SPATA6L: variants seen among roughly 807,000 people sequenced by gnomAD.
SPATA6L encodes spermatogenesis associated 6-like protein.
Under a neutral mutation model 49.2 loss-of-function variants are expected in SPATA6L, and 68 were observed. That is an observed-to-expected ratio of 1.38 (90% CI 1.14 to 1.69). The LOEUF is 1.69. Among genes scored for constraint, SPATA6L ranks in the 40% most tolerant of loss-of-function variants. The probability of loss-of-function intolerance (pLI) is 0.00; values close to 1 mark genes in which losing one functional copy is unlikely to be tolerated. For synonymous variants in SPATA6L, 198 were observed against 165.7 expected (o/e 1.19, Z -1.50); for missense variants, 668 against 464.3 (o/e 1.44, Z -4.03).
chr9:4,594,358 C>T (rs771295298), downstream of SPATA6L, among the ~76,000 whole-genome samples: 5 of 152,102 alleles, frequency 3.3e-5, no homozygotes, highest in East Asian at 5.8e-4. Context: ...TACAGGCGCC[C>T]GCCAGCATGC....
intron 4 of SPATA6L, among the ~76,000 whole-genome samples, chr9:4,629,865 C>G (rs2130507868): frequency 6.8e-6 from 1 of 147,566 alleles, no homozygotes; most frequent in East Asian, 2.0e-4. Context: ...TCCTGTTTTA[C>G]AGATGATAAA....
intron 3 of SPATA6L, among the ~76,000 whole-genome samples, chr9:4,652,189 G>T (rs577634938): frequency 6.6e-6 from 1 of 152,182 alleles, no homozygotes; most frequent in Non-Finnish European, 1.5e-5. Context: ...CGGAGGCCAA[G>T]GCAGGAGGAT....
chr9:4,619,403 C>A (rs558141415), intron 7 of SPATA6L, among the ~76,000 whole-genome samples: 1 of 152,188 alleles, frequency 6.6e-6, no homozygotes, highest in African/African-American at 2.4e-5. Context: ...GGTGACCCAC[C>A]CGCCTCAGCC....
intron 3 of SPATA6L, 21 bp downstream of exon 3, chr9:4,656,020 T>C (rs1587488585): frequency 6.2e-7 from 1 of 1,602,360 alleles, no homozygotes; most frequent in Non-Finnish European, 8.5e-7. Flanking sequence ...GGTTTTTTGT[T>C]TTGTTTTTCA....
intron 3 of SPATA6L, among the ~76,000 whole-genome samples, chr9:4,641,022 C>G (rs553234506): frequency 6.5e-4 from 99 of 152,222 alleles, no homozygotes; most frequent in African/African-American, 2.4e-3. Context: ...TAAGTTTTAA[C>G]AAGCAAGTTG....
In SPATA6L at chr9:4,600,483, C is replaced by CAGAGAG. The variant is rs369628564; in HGVS notation, c.*322_*327dup. ...TTTGAGAGAGAGAGACAGAGAGAGC[C>CAGAGAG]AGAGAGAGCCAGAGAGAGAGAGAGG... On this transcript the variant is annotated 3_prime_UTR_variant, in exon 12 of 12. Coordinates refer to ENST00000682582, the MANE Select transcript of SPATA6L (RefSeq NM_001353486.2). The CAGAGAG allele has an allele frequency of 1.0e-4, 2 of 19,440 alleles. No homozygotes were observed. The highest frequency in any genetic ancestry group is 3.4e-4 in the African/African-American group (2 of 5,868). 1.2% of individuals were successfully genotyped at this position (19,440 alleles called of 1,614,324 possible). A position where few individuals can be genotyped will look rare whatever the true frequency, so the allele number is the denominator to read the frequency against.
intron 9 of SPATA6L, among the ~76,000 whole-genome samples, chr9:4,606,304 A>C (rs1033949616): frequency 6.3e-5 from 9 of 143,600 alleles, no homozygotes; most frequent in African/African-American, 2.4e-4. Context: ...CCACAGCTCA[A>C]GGAGGCCTGC....
chr9:4,599,690 G>A lies in SPATA6L; in HGVS notation c.*1121C>T, dbSNP rs1055217074. 1.3e-5 allele frequency among the ~76,000 whole-genome samples: 2 copies of A among 152,140 alleles called. No individual in the cohort carries two copies. The highest frequency in any genetic ancestry group is 4.8e-5 in the African/African-American group (2 of 41,426). On this transcript the variant is annotated 3_prime_UTR_variant, in exon 12 of 12. Coordinates refer to ENST00000682582, the MANE Select transcript of SPATA6L (RefSeq NM_001353486.2). Reference sequence around the variant, plus strand: ...CTCGCTGTCTCCTCGCCAGTGGAAGGGGCAAACGAGCTCCCTTGAGCCTAT... The same window carrying A: ...CTCGCTGTCTCCTCGCCAGTGGAAGAGGCAAACGAGCTCCCTTGAGCCTAT...
intron 3 of SPATA6L, among the ~76,000 whole-genome samples, chr9:4,641,225 A>C (rs917316154): frequency 6.6e-6 from 1 of 152,126 alleles, no homozygotes; most frequent in Non-Finnish European, 1.5e-5. Context: ...CTAAATACTA[A>C]ATATATTCGT....
chr9:4,615,906 T>A (rs1022970436), intron 9 of SPATA6L, among the ~76,000 whole-genome samples: 2 of 152,180 alleles, frequency 1.3e-5, no homozygotes, highest in Non-Finnish European at 2.9e-5. Flanking sequence ...CCAGTTCTGG[T>A]GGCTGAGAAG....
intron 7 of SPATA6L, among the ~76,000 whole-genome samples, chr9:4,621,016 C>T (rs543073791): frequency 7.9e-5 from 12 of 152,342 alleles, no homozygotes; most frequent in Admixed American, 7.2e-4. Flanking sequence ...TCTAAGAACA[C>T]TGGCTTAAGT....
At chr9:4,624,381 A>G (rs1829952457) in intron 6 of SPATA6L, among the ~76,000 whole-genome samples, 2 of 152,240 alleles carry the variant, frequency 1.3e-5, no homozygotes, top group African/African-American at 2.4e-5. Flanking sequence ...TGGTGACCCA[A>G]TGGATAAATT....
intron 3 of SPATA6L, among the ~76,000 whole-genome samples, chr9:4,640,593 C>G (rs1056962914): frequency 6.6e-6 from 1 of 151,978 alleles, no homozygotes; most frequent in Non-Finnish European, 1.5e-5. Context: ...TTGCTAGTAT[C>G]AAGGATCAGC....
Position 4,600,546 on chromosome 9 carries a change from C to T in SPATA6L, c.*265G>A, listed in dbSNP as rs1206124097. On this transcript the variant is annotated 3_prime_UTR_variant, in exon 12 of 12. Coordinates refer to ENST00000682582, the MANE Select transcript of SPATA6L (RefSeq NM_001353486.2). Reference sequence around the variant, plus strand: ...ATAAGCACCTGCCACCCAACTACAGCGCTTTCTCTTTCATGTTCAAAACAA... The same window carrying T: ...ATAAGCACCTGCCACCCAACTACAGTGCTTTCTCTTTCATGTTCAAAACAA... 3 of 146,936 alleles carry T rather than the reference C, an allele frequency of 2.0e-5. No homozygotes were observed. Among genetic ancestry groups the T allele is most frequent in the South Asian group, 4.3e-4 (2 of 4,610 alleles). The allele number at this position is 146,936 out of a possible 1,614,324, so 9.1% of individuals were successfully genotyped here. A position where few individuals can be genotyped will look rare whatever the true frequency, so the allele number is the denominator to read the frequency against.
chr9:4,589,898 G>C (rs1220033183), intron 13 of SPATA6L, among the ~76,000 whole-genome samples: 1 of 152,138 alleles, frequency 6.6e-6, no homozygotes, highest in Non-Finnish European at 1.5e-5. Context: ...AGAAGAAGCA[G>C]GCCTTGTTAA....
At chr9:4,596,691 T>A (rs1267380749), downstream of SPATA6L, among the ~76,000 whole-genome samples, 2 of 152,192 alleles carry the variant, frequency 1.3e-5, no homozygotes, top group African/African-American at 2.4e-5. Context: ...CCAACTTCTG[T>A]CAAGAGACCT....
At chr9:4,657,655 G>A (rs565755276) in intron 2 of SPATA6L, among the ~76,000 whole-genome samples, 22 of 152,240 alleles carry the variant, frequency 1.4e-4, no homozygotes, top group South Asian at 4.2e-4. Context: ...AGAGACCTCC[G>A]CTGCTGCATT....
intron 5 of SPATA6L, chr9:4,626,812 G>A: frequency 4.5e-6 from 1 of 221,104 alleles, no homozygotes; most frequent in Non-Finnish European, 9.4e-6. Flanking sequence ...AAAATTGTCT[G>A]GCACAAGAGT....
At chr9:4,628,297 A>T (rs1404638768) in intron 5 of SPATA6L, 1 of 172,690 alleles carries the variant, frequency 5.8e-6, no homozygotes. Context: ...GTTTTAGGTG[A>T]TGGATACACC....
Sources: gnomAD v4.1 joint callset for allele counts (sites outside exome capture counted in the v4.1 genomes callset) on GRCh38, gnomAD v4.1.1 for gene constraint, MANE v1.5 for transcripts, NCBI Gene and HGNC (gene_info 2026-07-23, HGNC 2026-07-21) for gene names.